Variants in TNRC6B observed in about 807,000 individuals in gnomAD.
TNRC6B encodes the protein trinucleotide repeat-containing gene 6B protein.
TNRC6B carries 52 observed loss-of-function variants against 203.6 expected under a neutral mutation model. The ratio of observed to expected loss-of-function variants is 0.26; its 90% confidence interval spans 0.20 to 0.32. The LOEUF (loss-of-function observed/expected upper bound fraction) is 0.32. Ranked by LOEUF, TNRC6B falls within the 10% of genes least tolerant of loss-of-function variation. TNRC6B has a pLI of 1.00. For synonymous variants in TNRC6B, 838 were observed against 845.7 expected, an observed-to-expected ratio of 0.99 and a Z score of 0.16; for missense variants, 1,923 against 2,286.2, an observed-to-expected ratio of 0.84 and a Z score of 3.24.
intron 4 of TNRC6B, among the ~76,000 whole-genome samples, chr22:40,167,656 G>C (rs1478980407): frequency 6.9e-6 from 1 of 145,332 alleles, no homozygotes; most frequent in Non-Finnish European, 1.5e-5. Flanking sequence ...AAAGTGGGAG[G>C]GTTGTTTGAA....
chr22:40,154,657 G>A (rs182235895), intron 3 of TNRC6B, among the ~76,000 whole-genome samples: 93 of 149,946 alleles, frequency 6.2e-4, no homozygotes, highest in African/African-American at 2.1e-3. Flanking sequence ...CGGCTGACAC[G>A]GTGAAACCCC....
At chr22:40,221,727 CCA>C (rs1388155595) in intron 1 of TNRC6B, among the ~76,000 whole-genome samples, 1 of 151,370 alleles carries the variant, frequency 6.6e-6, no homozygotes, top group Non-Finnish European at 1.5e-5. Context: ...GTGTGAGCCA[CCA>C]CACCTGGCCC....
At chr22:40,251,348 G>A in intron 3 of TNRC6B, 148 bp downstream of exon 3, 1 of 593,110 alleles carries the variant, frequency 1.7e-6, no homozygotes, top group Non-Finnish European at 2.8e-6. Context: ...GAGCAGTAAT[G>A]ACAAATTGAA....
intron 3 of TNRC6B, among the ~76,000 whole-genome samples, chr22:40,132,967 A>ATATATATATATATAT (rs1263879588): frequency 1.5e-5 from 1 of 66,428 alleles, no homozygotes; most frequent in African/African-American, 5.2e-5. Context: ...AAAAAAAAAA[A>ATATATATATATATAT]AAATATATAT....
intron 3 of TNRC6B, among the ~76,000 whole-genome samples, chr22:40,152,492 A>G (rs2068767397): frequency 2.0e-5 from 3 of 152,048 alleles, no homozygotes; most frequent in Admixed American, 2.0e-4. Context: ...ACGCCCGGCT[A>G]ATTTTTTTTG....
chr22:40,275,684 T>G (rs2070631833), intron 7 of TNRC6B, among the ~76,000 whole-genome samples: 2 of 152,048 alleles, frequency 1.3e-5, no homozygotes, highest in South Asian at 4.1e-4. Flanking sequence ...ACTAGCTGGC[T>G]GCGGTGGCTC....
chr22:40,188,177 C>T (rs1042049480), intron 1 of TNRC6B, among the ~76,000 whole-genome samples: 1 of 152,130 alleles, frequency 6.6e-6, no homozygotes, highest in South Asian at 2.1e-4. Flanking sequence ...CCATTGCACT[C>T]CAGCCTGGGC....
intron 3 of TNRC6B, among the ~76,000 whole-genome samples, chr22:40,258,142 G>A (rs2070313839): frequency 1.9e-5 from 2 of 105,404 alleles, no homozygotes; most frequent in African/African-American, 7.5e-5. Flanking sequence ...CTGAGATCAT[G>A]TTTAAGCCAC....
chr22:40,220,113 G>A (rs146856308), intron 1 of TNRC6B, among the ~76,000 whole-genome samples: 1 of 152,276 alleles, frequency 6.6e-6, no homozygotes, highest in Non-Finnish European at 1.5e-5. Context: ...AGTAGGTGGG[G>A]GTGGAGCTTC....
Position 40,273,523 on chromosome 22 carries a change from A to G in TNRC6B, c.3064A>G (p.Asn1022Asp). The G allele has an allele frequency of 6.3e-7, 1 of 1,599,022 alleles. No homozygotes were observed. Among genetic ancestry groups the G allele is most frequent in the Non-Finnish European group, 8.5e-7 (1 of 1,172,600 alleles). The change falls in exon 7 of 23, where the codon AAC (asparagine) becomes GAC (aspartate). Residue 1022 changes from asparagine to aspartate, a missense_variant. Asn to Asp is a conservative substitution (Grantham distance 23). This residue lies in a region of TNRC6B where 599 missense variants were observed against 656.5 expected (regional missense o/e 0.91). Transcript: ENST00000454349. ...WEEEEDGGVW[N>D]TTGSQGSASS... The stretch of plus-strand genomic sequence containing the variant: ...AGAGGAGGAGGATGGAGGAGTCTGG[A>G]ACACCACTGGCTCTCAGGGCAGTGC...
chr22:40,098,352 T>C (rs980313927), intron 1 of TNRC6B, among the ~76,000 whole-genome samples: 3 of 121,774 alleles, frequency 2.5e-5, no homozygotes, highest in Non-Finnish European at 3.1e-5. Flanking sequence ...GCCATTGCAC[T>C]CCAGCCTGGG....
At chr22:40,231,676 A>G (rs913833698) in intron 1 of TNRC6B, among the ~76,000 whole-genome samples, 2 of 152,348 alleles carry the variant, frequency 1.3e-5, no homozygotes, top group Non-Finnish European at 1.5e-5. Flanking sequence ...CCAAATAGGA[A>G]AGATTTTAAT....
At chr22:40,112,743 G>C (rs2068350466) in intron 1 of TNRC6B, among the ~76,000 whole-genome samples, 2 of 152,210 alleles carry the variant, frequency 1.3e-5, no homozygotes, top group South Asian at 4.1e-4. Flanking sequence ...GAGATTGATA[G>C]GGACAGAAAT....
intron 10 of TNRC6B, 131 bp downstream of exon 10, chr22:40,280,274 C>G: frequency 1.2e-6 from 1 of 850,054 alleles, no homozygotes; most frequent in East Asian, 2.7e-5. Context: ...ACATCACCTG[C>G]ATTAACGTGG....
intron 4 of TNRC6B, among the ~76,000 whole-genome samples, chr22:40,160,451 G>C (rs1169787050): frequency 2.0e-5 from 3 of 147,050 alleles, no homozygotes; most frequent in Non-Finnish European, 4.4e-5. Flanking sequence ...ACTCCAGCCT[G>C]GGCAACAAGA....
chr22:40,308,728 A>G, intron 16 of TNRC6B, 79 bp downstream of exon 16: 1 of 1,485,546 alleles, frequency 6.7e-7, no homozygotes, highest in Non-Finnish European at 9.0e-7. Flanking sequence ...ATTTTGAAGT[A>G]CAGAACTTGG....
At chr22:40,214,809 C>T (rs536764948) in intron 1 of TNRC6B, among the ~76,000 whole-genome samples, 55 of 152,170 alleles carry the variant, frequency 3.6e-4, no homozygotes, top group Non-Finnish European at 7.5e-4. Flanking sequence ...CCACCTTGGC[C>T]TCCCAAAGTG....
chr22:40,178,830 G>A (rs367782057), intron 1 of TNRC6B, among the ~76,000 whole-genome samples: 2 of 152,190 alleles, frequency 1.3e-5, no homozygotes, highest in East Asian at 3.9e-4. Flanking sequence ...AGCCAGATGC[G>A]CTTTTATTTT....
chr22:40,135,352 G>A (rs1205403704), intron 3 of TNRC6B, among the ~76,000 whole-genome samples: 7 of 152,154 alleles, frequency 4.6e-5, no homozygotes, highest in South Asian at 2.1e-4. Context: ...ACCATACAGC[G>A]ACTAGAGTGT....
Sources: gnomAD v4.1 joint callset for allele counts (sites outside exome capture counted in the v4.1 genomes callset) on GRCh38, gnomAD v4.1.1 for gene constraint, gnomAD v4.1.1 regional missense constraint, MANE v1.5 for transcripts, NCBI Gene and HGNC (gene_info 2026-07-23, HGNC 2026-07-21) for gene names.